SC5D: variants seen among roughly 807,000 people sequenced by gnomAD.
The protein encoded by SC5D is sterol-C5-desaturase, also known as lathosterol oxidase.
SC5D carries 21 observed loss-of-function variants against 23.9 expected under a neutral mutation model. That is an observed-to-expected ratio of 0.88 (90% CI 0.62 to 1.26). The LOEUF (loss-of-function observed/expected upper bound fraction) is 1.26, where lower values mean the gene tolerates loss of function less well. Among genes scored for constraint, SC5D ranks in the 50% most tolerant of loss-of-function variants. The pLI is 0.00. For missense variants in SC5D, 309 were observed against 364.8 expected, an observed-to-expected ratio of 0.85 and a Z score of 1.25; for synonymous variants, 113 against 125.9, an observed-to-expected ratio of 0.90 and a Z score of 0.68.
At chr11:121,306,261 C>T (rs1367740418) in intron 3 of SC5D, 125 bp from the exon 4 acceptor site, 3 of 698,568 alleles carry the variant, frequency 4.3e-6, no homozygotes, top group Non-Finnish European at 7.9e-6. Flanking sequence ...CTGAATTAGC[C>T]AGAACAGATC....
Position 121,312,520 on chromosome 11 carries a change from A to G in SC5D, c.*5008A>G, listed in dbSNP as rs1467877102. ...TTTGATCCAACTACCAAAAAAGCAG[A>G]CTTGTGTACTTGACAGATTTTTCTA... On this transcript the variant is annotated 3_prime_UTR_variant, in exon 5 of 5. Coordinates refer to ENST00000264027, the MANE Select transcript of SC5D (RefSeq NM_006918.5). Among the ~76,000 whole-genome samples, 2 of 152,162 alleles carry G rather than the reference A, an allele frequency of 1.3e-5. No individual in the cohort carries two copies. Among genetic ancestry groups the G allele is most frequent in the Non-Finnish European group, 2.9e-5 (2 of 68,000 alleles).
rs1947981360 is a variant in SC5D at position 121,308,092 on chromosome 11, C to G, written c.*580C>G. 1 of 152,622 alleles carries G rather than the reference C, an allele frequency of 6.6e-6. No homozygotes were observed. The highest frequency in any genetic ancestry group is 1.5e-5 in the Non-Finnish European group (1 of 68,364). 9.5% of individuals were successfully genotyped at this position (152,622 alleles called of 1,614,324 possible). A position where few individuals can be genotyped will look rare whatever the true frequency, so the allele number is the denominator to read the frequency against. On this transcript the variant is annotated 3_prime_UTR_variant, in exon 5 of 5. Transcript: ENST00000264027. ...CTAATTGATAGCAGGTGTAATAAGA[C>G]TATCGTCTTCCTACACATAGGAGGC...
In SC5D at chr11:121,309,949, A is replaced by C. The variant is rs1388674499; in HGVS notation, c.*2437A>C. ...AAGTGGGTGGATATGGTTCGAGAAG[A>C]CCTTTCAGAAACACAGAGACTGAGT... On this transcript the variant is annotated 3_prime_UTR_variant, in exon 5 of 5. Transcript: ENST00000264027. Among the ~76,000 whole-genome samples, 1 of 152,138 alleles carries C rather than the reference A, an allele frequency of 6.6e-6. No homozygotes were observed. The highest frequency in any genetic ancestry group is 1.5e-5 in the Non-Finnish European group (1 of 68,028).
At chr11:121,294,754 GCAAT>G (rs1346117991) in intron 1 of SC5D, among the ~76,000 whole-genome samples, 1 of 152,074 alleles carries the variant, frequency 6.6e-6, no homozygotes, top group African/African-American at 2.4e-5. Context: ...AAACCTCACA[GCAAT>G]CAAACATGTT....
chr11:121,298,617 G>A (rs539990424), intron 1 of SC5D, among the ~76,000 whole-genome samples: 1 of 152,184 alleles, frequency 6.6e-6, no homozygotes, highest in Non-Finnish European at 1.5e-5. Flanking sequence ...AGGAGAAGCT[G>A]ATGTTGAAGA....
intron 1 of SC5D, among the ~76,000 whole-genome samples, chr11:121,295,666 CTT>C (rs1238254050): frequency 6.6e-6 from 1 of 152,128 alleles, no homozygotes; most frequent in African/African-American, 2.4e-5. Flanking sequence ...CCCAGCCTGA[CTT>C]TTCTCTTAGC....
At chr11:121,304,849 C>T in intron 3 of SC5D, 1 of 262,330 alleles carries the variant, frequency 3.8e-6, no homozygotes, top group Non-Finnish European at 7.5e-6. Context: ...ATGCATTATT[C>T]TGCTTCTTAG....
rs1226934887 is a variant in SC5D, at chr11:121,309,752, C to T, written c.*2240C>T. 2.0e-5 allele frequency among the ~76,000 whole-genome samples: 3 copies of T among 152,170 alleles called. No individual in the cohort carries two copies. Among genetic ancestry groups the T allele is most frequent in the Non-Finnish European group, 4.4e-5 (3 of 68,036 alleles). On this transcript the variant is annotated 3_prime_UTR_variant, in exon 5 of 5. Transcript: ENST00000264027. The stretch of plus-strand genomic sequence containing the variant: ...TTAAAGCAGCGTTATGTTAAGTAGT[C>T]CTAACATTGTAATATACAGTACTGC...
chr11:121,303,407 AT>A lies in SC5D; in HGVS notation c.39del (p.Phe13LeufsTer23), dbSNP rs1185907700. 3.1e-6 allele frequency: 5 copies of A among 1,613,716 alleles called. No individual in the cohort carries two copies. Among genetic ancestry groups the A allele is most frequent in the Non-Finnish European group, 4.2e-6 (5 of 1,179,918 alleles). On this transcript the variant is annotated frameshift_variant, in exon 2 of 5. Coordinates refer to ENST00000264027, the MANE Select transcript of SC5D (RefSeq NM_006918.5). LOFTEE classifies it high-confidence loss of function. MDLVLRVADY[Y>X]FFTPYVYPAT... Reference sequence around the variant, plus strand: ...CTTGTACTCCGTGTTGCAGATTACTATTTTTTTACACCATACGTGTATCCAG... The same window carrying A: ...CTTGTACTCCGTGTTGCAGATTACTATTTTTTACACCATACGTGTATCCAG...
In SC5D at chr11:121,310,488, G is replaced by A. The variant is rs1948001571; in HGVS notation, c.*2976G>A. 8.1e-6 allele frequency among the ~76,000 whole-genome samples: 1 copy of A among 123,562 alleles called. No individual in the cohort carries two copies. Among genetic ancestry groups the A allele is most frequent in the African/African-American group, 3.2e-5 (1 of 31,358 alleles). The allele number at this position is 123,562 out of a possible 152,430, so 81.1% of individuals were successfully genotyped here. A position where few individuals can be genotyped will look rare whatever the true frequency, so the allele number is the denominator to read the frequency against. The stretch of plus-strand genomic sequence containing the variant: ...TTTTTTTTTTTTGAGATGGAGTCTT[G>A]CTCTGTTGCCCCAGGCTGGAGTGCA... On this transcript the variant is annotated 3_prime_UTR_variant, in exon 5 of 5. Coordinates refer to ENST00000264027, the MANE Select transcript of SC5D (RefSeq NM_006918.5).
rs1948022249 is a variant in SC5D, at chr11:121,312,925, T to TCGGAAAAAA, written c.*5414_*5415insGGAAAAAAC. ...GGTGTGGTGACTTTTGTCTGTCGCT[T>TCGGAAAAAA]CATTGGGACGTTTTTTCTTTCTGAT... is the stretch of plus-strand genomic sequence containing the variant. On this transcript the variant is annotated 3_prime_UTR_variant, in exon 5 of 5. Transcript: ENST00000264027. Among the ~76,000 whole-genome samples, 1 of 152,188 alleles carries TCGGAAAAAA rather than the reference T, an allele frequency of 6.6e-6. No individual in the cohort carries two copies. The highest frequency in any genetic ancestry group is 2.1e-4 in the South Asian group (1 of 4,834).
At chr11:121,303,837 A>T (rs1021609857) in intron 2 of SC5D, 3 of 410,092 alleles carry the variant, frequency 7.3e-6, no homozygotes, top group African/African-American at 6.1e-5. Context: ...GAGCATTTTT[A>T]TGCTGATATT....
chr11:121,297,938 GCT>G lies in SC5D; in HGVS notation c.-11+5125_-11+5126del, dbSNP rs1947900705. Among the ~76,000 whole-genome samples the G allele has an allele frequency of 4.6e-5, 7 of 152,290 alleles. No individual in the cohort carries two copies. In the South Asian group the frequency reaches 1.5e-3, roughly 32 times the overall value. On this transcript the variant is annotated intron_variant, in intron 1 of 4. Coordinates refer to ENST00000264027, the MANE Select transcript of SC5D (RefSeq NM_006918.5). ...TAATTGAAAATTTACTTTCTAGACAGCTCTTTTATGCATTCTCCTCAACTGTA... is the reference window on the plus strand; with the variant it reads ...TAATTGAAAATTTACTTTCTAGACAGCTTTTATGCATTCTCCTCAACTGTA...
In SC5D at chr11:121,307,418, T is replaced by C; in HGVS notation, c.806T>C (p.Val269Ala). 6.2e-7 allele frequency: 1 copy of C among 1,612,292 alleles called. No individual in the cohort carries two copies. Among genetic ancestry groups the C allele is most frequent in the Non-Finnish European group, 8.5e-7 (1 of 1,178,840 alleles). ...SFEGKGPLSYVKEMTEGKRSS... is the reference protein window; with the variant it reads ...SFEGKGPLSYAKEMTEGKRSS... ...GAGGGGAAGGGACCGCTCAGTTATGTGAAGGAGATGACAGAGGGAAAGCGC... is the reference window on the plus strand; with the variant it reads ...GAGGGGAAGGGACCGCTCAGTTATGCGAAGGAGATGACAGAGGGAAAGCGC... Residue 269 changes from valine to alanine, a missense_variant, in exon 5 of 5, where the codon GTG becomes GCG. Physicochemically the swap from Val to Ala is moderately conservative, Grantham distance 64. Transcript: ENST00000264027.
At chr11:121,303,636 A>G (rs752901626) in intron 2 of SC5D, 51 bp downstream of exon 2, 6 of 1,412,532 alleles carry the variant, frequency 4.2e-6, no homozygotes, top group South Asian at 1.2e-5. Flanking sequence ...AAATAACAAT[A>G]TGATATATTT....
intron 2 of SC5D, 113 bp from the exon 3 acceptor site, chr11:121,304,248 G>A: frequency 1.1e-6 from 1 of 890,400 alleles, no homozygotes; most frequent in African/African-American, 1.7e-5. Flanking sequence ...ACAGTTTGGA[G>A]GTAAGCCCCT....
intron 1 of SC5D, among the ~76,000 whole-genome samples, chr11:121,301,558 A>C (rs1206336236): frequency 6.6e-6 from 1 of 152,202 alleles, no homozygotes. Context: ...TAGAAAGTTT[A>C]AGAAAGAGTG....
intron 2 of SC5D, 169 bp downstream of exon 2, chr11:121,303,754 C>A: frequency 1.7e-6 from 1 of 600,652 alleles, no homozygotes; most frequent in East Asian, 2.8e-5. Context: ...TGCTCTCCTT[C>A]CCTTAGTTTA....
rs534022616 is a variant in SC5D, at chr11:121,297,012, C to A, written c.-11+4196C>A. Among the ~76,000 whole-genome samples, 42 of 152,262 alleles carry A rather than the reference C, an allele frequency of 2.8e-4. 2 individuals carry two copies. The South Asian group carries it at 8.7e-3, about 32-fold the overall frequency. ...ATATATGGAATGATGCTCAACTTTA[C>A]TCATAATAAGGTAAATGCAAATTAA... On this transcript the variant is annotated intron_variant, in intron 1 of 4. Transcript: ENST00000264027.
Sources: allele counts gnomAD v4.1 joint callset (sites outside exome capture counted in the v4.1 genomes callset), GRCh38; gene constraint gnomAD v4.1.1; transcripts MANE v1.5; gene names NCBI Gene and HGNC (gene_info 2026-07-23, HGNC 2026-07-21).